USP34: variants seen among roughly 807,000 people sequenced by gnomAD.
USP34 encodes ubiquitin carboxyl-terminal hydrolase 34.
A neutral mutation model predicts 460.3 loss-of-function variants in USP34; 70 were observed. The observed-to-expected ratio is 0.15, with a 90% CI of 0.13 to 0.19. USP34 has a LOEUF of 0.19. USP34 is among the 10% of genes least tolerant of loss of function. The pLI is 1.00. For missense variants in USP34, 3,985 were observed against 4,236.2 expected, an observed-to-expected ratio of 0.94 and a Z score of 1.65; for synonymous variants, 1,647 against 1,405.3, an observed-to-expected ratio of 1.17 and a Z score of -3.85.
rs1190097258 is a variant in USP34 at position 61,196,298 on chromosome 2, G to T, written c.9509-3318C>A. ...GTAGAGACGGGGTTTCACTGTGTTA[G>T]CCAGGATAGTCTCGATCTCCTGACC... On this transcript the variant is annotated intron_variant, in intron 75 of 79. Transcript: ENST00000398571. Among the ~76,000 whole-genome samples, 3 of 148,880 alleles carry T rather than the reference G, an allele frequency of 2.0e-5. No individual in the cohort carries two copies. In the East Asian group the frequency reaches 6.0e-4, roughly 30 times the overall value.
At chr2:61,316,261 A>C (rs1690742817) in intron 23 of USP34, among the ~76,000 whole-genome samples, 1 of 152,052 alleles carries the variant, frequency 6.6e-6, no homozygotes, top group African/African-American at 2.4e-5. Flanking sequence ...AGGCAGTAGG[A>C]AAATAAAATA....
intron 1 of USP34, among the ~76,000 whole-genome samples, chr2:61,440,314 T>C (rs973376943): frequency 6.6e-6 from 1 of 151,950 alleles, no homozygotes; most frequent in Non-Finnish European, 1.5e-5. Context: ...TCCCTGGTGG[T>C]CCTGCTGGAG....
intron 48 of USP34, among the ~76,000 whole-genome samples, chr2:61,252,093 T>A (rs1398801145): frequency 6.6e-6 from 1 of 152,020 alleles, no homozygotes; most frequent in Non-Finnish European, 1.5e-5. Context: ...TACAAAAGGG[T>A]GCTATGGAAG....
intron 71 of USP34, 37 bp from the exon 72 acceptor site, chr2:61,206,161 A>G: frequency 6.5e-7 from 1 of 1,534,964 alleles, no homozygotes; most frequent in South Asian, 1.1e-5. Context: ...ATGCCATCTG[A>G]GATCAAACTT....
chr2:61,364,754 C>T (rs935119457), intron 10 of USP34, among the ~76,000 whole-genome samples: 1 of 151,578 alleles, frequency 6.6e-6, no homozygotes, highest in Admixed American at 6.6e-5. Context: ...CATGATGAAA[C>T]CTCGTCACTA....
chr2:61,463,227 C>G (rs1051087660), intron 1 of USP34, among the ~76,000 whole-genome samples: 1 of 151,244 alleles, frequency 6.6e-6, no homozygotes, highest in Non-Finnish European at 1.5e-5. Flanking sequence ...CTTTGGGAGG[C>G]TGAGGCAGGA....
intron 1 of USP34, among the ~76,000 whole-genome samples, chr2:61,431,809 G>A (rs1200350359): frequency 3.3e-5 from 5 of 151,930 alleles, no homozygotes; most frequent in African/African-American, 7.3e-5. Context: ...AGCTGAAATC[G>A]CACCACTGCA....
intron 21 of USP34, among the ~76,000 whole-genome samples, chr2:61,324,218 G>C (rs769397546): frequency 3.3e-5 from 5 of 152,176 alleles, no homozygotes; most frequent in Non-Finnish European, 7.4e-5. Flanking sequence ...AATCAAGCTC[G>C]TTCCTCTCTT....
At chr2:61,275,295 A>T (rs1689338812) in intron 41 of USP34, among the ~76,000 whole-genome samples, 1 of 152,056 alleles carries the variant, frequency 6.6e-6, no homozygotes. Context: ...AATAACAATA[A>T]TATTTTGAAG....
chr2:61,314,510 A>G (rs1048801190), intron 25 of USP34, 75 bp downstream of exon 25: 34 of 1,301,590 alleles, frequency 2.6e-5, no homozygotes, highest in Non-Finnish European at 3.4e-5. Flanking sequence ...CTTTAGATTC[A>G]CTTTAAGAAT....
At chr2:61,194,157 G>C (rs1011825168) in intron 75 of USP34, 15 of 985,272 alleles carry the variant, frequency 1.5e-5, no homozygotes, top group Non-Finnish European at 1.8e-5. Context: ...CACTCACTCA[G>C]AACTTACCAA....
At chr2:61,282,046 G>A (rs1689550801) in intron 37 of USP34, among the ~76,000 whole-genome samples, 1 of 152,200 alleles carries the variant, frequency 6.6e-6, no homozygotes, top group Admixed American at 6.5e-5. Context: ...CTGGAGTGCA[G>A]TGGTGCGATC....
chr2:61,289,620 G>C (rs1288858283), intron 33 of USP34, among the ~76,000 whole-genome samples: 1 of 151,870 alleles, frequency 6.6e-6, no homozygotes, highest in Non-Finnish European at 1.5e-5. Flanking sequence ...AGAAAGAAAT[G>C]GTACTTTCTT....
intron 2 of USP34, among the ~76,000 whole-genome samples, chr2:61,409,656 G>A (rs1693982317): frequency 2.0e-5 from 3 of 152,296 alleles, no homozygotes; most frequent in African/African-American, 2.4e-5. Context: ...AGAGGTTGCA[G>A]TGAGCCAAGA....
chr2:61,387,227 G>A (rs1693175002), intron 5 of USP34, among the ~76,000 whole-genome samples: 1 of 152,192 alleles, frequency 6.6e-6, no homozygotes, highest in East Asian at 1.9e-4. Flanking sequence ...TTGGGAGGCT[G>A]AGGCAGTCAG....
chr2:61,400,401 G>A (rs544279721), intron 3 of USP34, among the ~76,000 whole-genome samples: 1 of 152,006 alleles, frequency 6.6e-6, no homozygotes, highest in Non-Finnish European at 1.5e-5. Context: ...GAGCCACCGC[G>A]CCCGGCCAGA....
chr2:61,351,892 A>G (rs1691952534), intron 10 of USP34, among the ~76,000 whole-genome samples: 1 of 152,224 alleles, frequency 6.6e-6, no homozygotes, highest in African/African-American at 2.4e-5. Flanking sequence ...GATTTTAAGG[A>G]CAAGTGAATA....
At chr2:61,441,358 G>GC (rs1260468079) in intron 1 of USP34, among the ~76,000 whole-genome samples, 1 of 151,882 alleles carries the variant, frequency 6.6e-6, no homozygotes, top group Non-Finnish European at 1.5e-5. Context: ...TACTTTCTGC[G>GC]CCCCACCTCC....
At chr2:61,282,771 T>C (rs1689571337) in intron 37 of USP34, among the ~76,000 whole-genome samples, 1 of 151,328 alleles carries the variant, frequency 6.6e-6, no homozygotes. Context: ...GCCTGGGTGA[T>C]ACAGGGAACA....
Sources: allele counts gnomAD v4.1 joint callset (sites outside exome capture counted in the v4.1 genomes callset), GRCh38; gene constraint gnomAD v4.1.1; transcripts MANE v1.5; gene names NCBI Gene and HGNC (gene_info 2026-07-23, HGNC 2026-07-21).